GRM5: variants seen among roughly 807,000 people sequenced by gnomAD.
GRM5 encodes metabotropic glutamate receptor 5.
Under a neutral mutation model 83.1 loss-of-function variants are expected in GRM5, and 19 were observed. That is an observed-to-expected ratio of 0.23 (90% CI 0.16 to 0.34). The LOEUF (loss-of-function observed/expected upper bound fraction) is 0.34. Ranked by LOEUF, GRM5 falls within the 10% of genes least tolerant of loss-of-function variation. The pLI is 1.00. For missense variants in GRM5, 1,160 were observed against 1,588.3 expected (o/e 0.73, Z 4.58); for synonymous variants, 675 against 633.6 (o/e 1.07, Z -0.98).
intron 3 of GRM5, among the ~76,000 whole-genome samples, chr11:88,810,947 A>T (rs1943579015): frequency 6.6e-6 from 1 of 152,202 alleles, no homozygotes; most frequent in Non-Finnish European, 1.5e-5. Context: ...TTAACAAGTT[A>T]ACAGAGTTTA....
chr11:88,950,890 A>G (rs995246396), intron 2 of GRM5, among the ~76,000 whole-genome samples: 25 of 152,220 alleles, frequency 1.6e-4, no homozygotes, highest in African/African-American at 6.0e-4. Flanking sequence ...CAAGGGAGAT[A>G]CTACTTGTGA....
chr11:88,882,279 A>G (rs1021264918), intron 2 of GRM5, among the ~76,000 whole-genome samples: 9 of 151,276 alleles, frequency 5.9e-5, no homozygotes, highest in African/African-American at 2.2e-4. Flanking sequence ...TAATAAAAAG[A>G]AAAATATCAT....
chr11:88,962,556 T>C (rs965538346), intron 2 of GRM5, among the ~76,000 whole-genome samples: 3 of 152,196 alleles, frequency 2.0e-5, no homozygotes, highest in African/African-American at 2.4e-5. Context: ...ATTAATTTAA[T>C]AATTCCTGAC....
At chr11:88,865,346 T>C (rs1944643866) in intron 2 of GRM5, among the ~76,000 whole-genome samples, 1 of 152,172 alleles carries the variant, frequency 6.6e-6, no homozygotes, top group South Asian at 2.1e-4. Flanking sequence ...TTGGGAAAAC[T>C]GGCTAGCCTT....
At chr11:88,638,645 T>A (rs1425587167) in intron 4 of GRM5, among the ~76,000 whole-genome samples, 1 of 152,178 alleles carries the variant, frequency 6.6e-6, no homozygotes, top group African/African-American at 2.4e-5. Flanking sequence ...AATTTTTAAC[T>A]ATAAATTCAG....
intron 2 of GRM5, among the ~76,000 whole-genome samples, chr11:88,878,827 A>G (rs1394299483): frequency 6.6e-6 from 1 of 152,226 alleles, no homozygotes; most frequent in African/African-American, 2.4e-5. Context: ...AGAGAAAGAA[A>G]TTAGACTCAA....
chr11:88,981,470 T>C (rs1165323523), intron 2 of GRM5, among the ~76,000 whole-genome samples: 2 of 152,182 alleles, frequency 1.3e-5, no homozygotes, highest in African/African-American at 4.8e-5. Context: ...ATCTAGTTAA[T>C]TGTGATCTTT....
intron 6 of GRM5, among the ~76,000 whole-genome samples, chr11:88,591,347 A>C (rs1046298253): frequency 2.0e-5 from 3 of 152,164 alleles, no homozygotes; most frequent in East Asian, 3.8e-4. Context: ...TTTTGTTTGA[A>C]GGTAGATGAG....
Position 88,653,148 on chromosome 11 carries a change from G to A in GRM5, c.1147+20C>T, listed in dbSNP as rs746541549. 1 of 1,410,350 alleles carries A rather than the reference G, an allele frequency of 7.1e-7. No homozygotes were observed. The highest frequency in any genetic ancestry group is 1.1e-5 in the South Asian group (1 of 86,962). The allele number at this position is 1,410,350 out of a possible 1,614,324, so 87.4% of individuals were successfully genotyped here. ...AACCTTAGCCTTATGCATTTTAAATGAAATAATAAATCTGCTTACTATTGC... is the reference window on the plus strand; with the variant it reads ...AACCTTAGCCTTATGCATTTTAAATAAAATAATAAATCTGCTTACTATTGC... On this transcript the variant is annotated intron_variant, in intron 4 of 9. Coordinates refer to ENST00000305447, the MANE Select transcript of GRM5 (RefSeq NM_001143831.3).
intron 3 of GRM5, among the ~76,000 whole-genome samples, chr11:88,760,335 G>GAAGAC (rs201335740): frequency 6.6e-6 from 1 of 151,532 alleles, no homozygotes; most frequent in Non-Finnish European, 1.5e-5. Flanking sequence ...GACTAATAAA[G>GAAGAC]AGAAGATCTA....
intron 2 of GRM5, among the ~76,000 whole-genome samples, chr11:88,994,517 T>A (rs1940110655): frequency 8.0e-6 from 1 of 124,816 alleles, no homozygotes; most frequent in African/African-American, 3.0e-5. Flanking sequence ...GATATGACAA[T>A]AATATAGACA....
intron 3 of GRM5, among the ~76,000 whole-genome samples, chr11:88,701,499 G>C (rs7480724): frequency 0.79 from 120,170 of 152,050 alleles, 51,084 homozygotes; most frequent in Non-Finnish European, 0.96. Context: ...CTCAAGGTCA[G>C]CTTCAGAGGT....
At chr11:88,957,689 G>T (rs1250603331) in intron 2 of GRM5, among the ~76,000 whole-genome samples, 1 of 152,096 alleles carries the variant, frequency 6.6e-6, no homozygotes, top group Non-Finnish European at 1.5e-5. Flanking sequence ...ATATCAGAAA[G>T]AATGAAGATA....
At chr11:88,653,039 G>T in intron 4 of GRM5, 129 bp downstream of exon 4, 1 of 625,238 alleles carries the variant, frequency 1.6e-6, no homozygotes, top group Non-Finnish European at 2.9e-6. Flanking sequence ...ACCATAAGTG[G>T]CAATATCCAC....
At chr11:88,869,383 T>G (rs1459621695) in intron 2 of GRM5, among the ~76,000 whole-genome samples, 1 of 150,976 alleles carries the variant, frequency 6.6e-6, no homozygotes. Flanking sequence ...CTCATTATTA[T>G]TGATACAAAA....
chr11:88,654,008 T>C (rs977821893), intron 3 of GRM5, among the ~76,000 whole-genome samples: 2 of 152,066 alleles, frequency 1.3e-5, no homozygotes, highest in Non-Finnish European at 1.5e-5. Flanking sequence ...CATACACTAT[T>C]TTCTATCCCA....
At chr11:88,541,041 C>T (rs761854247) in intron 8 of GRM5, among the ~76,000 whole-genome samples, 7 of 152,078 alleles carry the variant, frequency 4.6e-5, no homozygotes, top group Non-Finnish European at 2.9e-5. Flanking sequence ...TGAGTCACCG[C>T]GCCCAGCCCC....
At chr11:88,722,887 T>C (rs1941580854) in intron 3 of GRM5, among the ~76,000 whole-genome samples, 1 of 123,778 alleles carries the variant, frequency 8.1e-6, no homozygotes, top group Non-Finnish European at 1.6e-5. Context: ...GTCTATAGTT[T>C]ACTTTAGGGT....
intron 2 of GRM5, among the ~76,000 whole-genome samples, chr11:88,918,271 T>A (rs1471015121): frequency 6.6e-6 from 1 of 150,794 alleles, no homozygotes; most frequent in Non-Finnish European, 1.5e-5. Context: ...AGTGAAAATA[T>A]CCTGCAGACA....
Sources: allele counts gnomAD v4.1 joint callset (sites outside exome capture counted in the v4.1 genomes callset), GRCh38; gene constraint gnomAD v4.1.1; transcripts MANE v1.5; gene names NCBI Gene and HGNC (gene_info 2026-07-23, HGNC 2026-07-21).